The following PRLR variants were observed in gnomAD, a reference collection of about 807,000 sequenced individuals.
The protein encoded by PRLR is prolactin receptor, also known as hPRL receptor.
In PRLR, 13 loss-of-function variants were observed where a neutral mutation model predicts 40.2. The observed-to-expected ratio is 0.32, with a 90% CI of 0.21 to 0.51. The LOEUF is 0.51. Ranked by LOEUF, PRLR falls within the 20% of genes least tolerant of loss-of-function variation. The pLI is 0.97. For synonymous variants in PRLR, 269 were observed against 278.7 expected (o/e 0.97, Z 0.35); for missense variants, 656 against 747.3 (o/e 0.88, Z 1.42).
At chr5:35,177,738 T>C (rs1418369684) in intron 1 of PRLR, among the ~76,000 whole-genome samples, 3 of 152,248 alleles carry the variant, frequency 2.0e-5, no homozygotes, top group Admixed American at 1.3e-4. Flanking sequence ...TTTTCAAGTA[T>C]GTGGACAGTG....
chr5:35,205,456 C>T (rs1449409508), intron 1 of PRLR, among the ~76,000 whole-genome samples: 2 of 152,184 alleles, frequency 1.3e-5, no homozygotes, highest in Non-Finnish European at 2.9e-5. Flanking sequence ...AGTAAGTAGA[C>T]AGTTCATTCT....
At chr5:35,222,330 A>G (rs1043747398) in intron 1 of PRLR, among the ~76,000 whole-genome samples, 1 of 151,912 alleles carries the variant, frequency 6.6e-6, no homozygotes, top group African/African-American at 2.4e-5. Flanking sequence ...GCTGTTTAAA[A>G]TGCTGGGCTT....
At chr5:35,210,831 C>T (rs955501923) in intron 1 of PRLR, among the ~76,000 whole-genome samples, 4 of 152,042 alleles carry the variant, frequency 2.6e-5, no homozygotes, top group Admixed American at 2.6e-4. Context: ...CCCCTCAGTG[C>T]CCCCAAGTAG....
chr5:35,066,963 C>A (rs1769417543), intron 9 of PRLR, among the ~76,000 whole-genome samples: 1 of 152,036 alleles, frequency 6.6e-6, no homozygotes, highest in South Asian at 2.1e-4. Context: ...CAGGGTTTCA[C>A]CATGTTAGCC....
intron 1 of PRLR, among the ~76,000 whole-genome samples, chr5:35,205,756 A>G (rs375094044): frequency 5.3e-5 from 8 of 152,160 alleles, no homozygotes; most frequent in Admixed American, 3.9e-4. Flanking sequence ...AGAAAAGAAG[A>G]TCCTATCTCA....
intron 1 of PRLR, among the ~76,000 whole-genome samples, chr5:35,227,389 C>T (rs1047409777): frequency 6.6e-6 from 1 of 152,094 alleles, no homozygotes; most frequent in African/African-American, 2.4e-5. Flanking sequence ...CTGAGCTAGG[C>T]GGATGTGGGG....
intron 3 of PRLR, among the ~76,000 whole-genome samples, chr5:35,087,028 C>A (rs1770898340): frequency 6.6e-6 from 1 of 152,092 alleles, no homozygotes; most frequent in Non-Finnish European, 1.5e-5. Flanking sequence ...GAGTCTCACT[C>A]TATCGCCCAG....
intron 1 of PRLR, among the ~76,000 whole-genome samples, chr5:35,160,377 C>T (rs1363598588): frequency 6.6e-6 from 1 of 152,128 alleles, no homozygotes; most frequent in African/African-American, 2.4e-5. Flanking sequence ...AAAATTATGG[C>T]AGTGAAGGAG....
At chr5:35,126,818 G>A (rs901159681) in intron 1 of PRLR, among the ~76,000 whole-genome samples, 2 of 152,110 alleles carry the variant, frequency 1.3e-5, no homozygotes, top group African/African-American at 4.8e-5. Flanking sequence ...TTGGACATCT[G>A]GTACGTGCCA....
chr5:35,161,954 G>A (rs1210694423), intron 1 of PRLR, among the ~76,000 whole-genome samples: 2 of 152,218 alleles, frequency 1.3e-5, no homozygotes, highest in African/African-American at 4.8e-5. Context: ...AGGTTTGTCA[G>A]GTGATACTTT....
At chr5:35,120,305 G>A (rs73767518) in intron 1 of PRLR, among the ~76,000 whole-genome samples, 3 of 152,030 alleles carry the variant, frequency 2.0e-5, no homozygotes, top group Non-Finnish European at 4.4e-5. Context: ...ATGCAGATAG[G>A]GGGGTGACAA....
chr5:35,049,903 C>CTTTTT (rs57649490), intron 8 of PRLR, among the ~76,000 whole-genome samples: 13 of 123,540 alleles, frequency 1.1e-4, no homozygotes, highest in African/African-American at 3.4e-4. Flanking sequence ...AAACTACATT[C>CTTTTT]TTTTTTTTTT....
downstream of PRLR, among the ~76,000 whole-genome samples, chr5:35,052,155 A>G (rs1278614974): frequency 1.3e-5 from 2 of 152,188 alleles, no homozygotes; most frequent in Non-Finnish European, 2.9e-5. Flanking sequence ...TTAAGCAGCA[A>G]AAAAGATGAA....
intron 2 of PRLR, among the ~76,000 whole-genome samples, chr5:35,112,056 T>C (rs530928239): frequency 3.9e-5 from 6 of 152,324 alleles, no homozygotes; most frequent in African/African-American, 1.2e-4. Context: ...CTTGTATGTT[T>C]GTGGCAAAAT....
chr5:35,208,777 T>TA (rs1341821089), intron 1 of PRLR, among the ~76,000 whole-genome samples: 3 of 151,732 alleles, frequency 2.0e-5, no homozygotes, highest in East Asian at 3.8e-4. Context: ...CTATTAATGA[T>TA]AAAAAAATTA....
chr5:35,213,173 G>A (rs778825850), intron 1 of PRLR, among the ~76,000 whole-genome samples: 1 of 152,104 alleles, frequency 6.6e-6, no homozygotes, highest in Non-Finnish European at 1.5e-5. Flanking sequence ...CCTGATCAAC[G>A]ACCACTTTGT....
intron 1 of PRLR, among the ~76,000 whole-genome samples, chr5:35,126,217 T>C (rs1773458876): frequency 6.6e-6 from 1 of 152,236 alleles, no homozygotes; most frequent in Non-Finnish European, 1.5e-5. Flanking sequence ...GACTCATCTC[T>C]AGCTGATGGA....
At chr5:35,113,526 TATCC>T (rs112802870) in intron 2 of PRLR, among the ~76,000 whole-genome samples, 6 of 137,534 alleles carry the variant, frequency 4.4e-5, no homozygotes, top group African/African-American at 5.6e-5. Flanking sequence ...TCCATTTATC[TATCC>T]ATCCATCCAT....
chr5:35,197,383 C>T (rs1481271596), intron 1 of PRLR, among the ~76,000 whole-genome samples: 1 of 152,216 alleles, frequency 6.6e-6, no homozygotes, highest in Non-Finnish European at 1.5e-5. Context: ...CAACCCCTTT[C>T]CTTCTGGCTG....
Sources: allele counts gnomAD v4.1 joint callset (sites outside exome capture counted in the v4.1 genomes callset), GRCh38; gene constraint gnomAD v4.1.1; transcripts MANE v1.5; gene names NCBI Gene and HGNC (gene_info 2026-07-23, HGNC 2026-07-21).